Variants in THSD7B observed in about 807,000 individuals in gnomAD.
THSD7B encodes the protein thrombospondin type 1 domain containing 7B.
In THSD7B, 138 loss-of-function variants were observed where a neutral mutation model predicts 213.6. The observed-to-expected ratio is 0.65, with a 90% CI of 0.56 to 0.74. The LOEUF is 0.74. Ranked by LOEUF, THSD7B falls within the 30% of genes least tolerant of loss-of-function variation. The probability of loss-of-function intolerance (pLI) is 0.00; values close to 1 mark genes in which losing one functional copy is unlikely to be tolerated. For synonymous variants in THSD7B, 742 were observed against 687.0 expected, an observed-to-expected ratio of 1.08 and a Z score of -1.25; for missense variants, 1,931 against 1,991.5, an observed-to-expected ratio of 0.97 and a Z score of 0.58.
intron 2 of THSD7B, among the ~76,000 whole-genome samples, chr2:136,937,765 G>A (rs1188837995): frequency 1.3e-5 from 2 of 152,168 alleles, no homozygotes; most frequent in East Asian, 3.8e-4. Flanking sequence ...CTGCTTCTTA[G>A]ATGTAGCGTG....
At chr2:137,333,154 A>G (rs953952502) in intron 12 of THSD7B, among the ~76,000 whole-genome samples, 4 of 152,136 alleles carry the variant, frequency 2.6e-5, no homozygotes, top group African/African-American at 9.7e-5. Context: ...GATGGATGCT[A>G]AGAGTTTAGA....
chr2:137,211,500 A>AT (rs1263637472), intron 7 of THSD7B, among the ~76,000 whole-genome samples: 7 of 152,202 alleles, frequency 4.6e-5, no homozygotes, highest in Non-Finnish European at 8.8e-5. Flanking sequence ...TGTAATTTTC[A>AT]TTTTCAATCA....
intron 15 of THSD7B, among the ~76,000 whole-genome samples, chr2:137,532,024 AG>A (rs1384146081): frequency 1.4e-4 from 21 of 151,958 alleles, no homozygotes; most frequent in African/African-American, 4.6e-4. Context: ...TGTATTTGAA[AG>A]GGAGAGTTAC....
Position 137,175,592 on chromosome 2 carries a change from A to G in THSD7B, c.1723+4654A>G, listed in dbSNP as rs1314342529. Among the ~76,000 whole-genome samples the G allele has an allele frequency of 2.6e-5, 4 of 152,278 alleles. No individual in the cohort carries two copies. In the East Asian group the frequency reaches 5.8e-4, roughly 22 times the overall value. On this transcript the variant is annotated intron_variant, in intron 7 of 27. Transcript: ENST00000409968. ...AGTAGCTTTGCTTTTTATTTCAAGG[A>G]TATTTTTCTAGGGGTCTTTGCCTTA...
At chr2:136,859,692 C>T (rs1683230054) in intron 1 of THSD7B, among the ~76,000 whole-genome samples, 1 of 152,144 alleles carries the variant, frequency 6.6e-6, no homozygotes, top group Non-Finnish European at 1.5e-5. Flanking sequence ...AATGGTCAAG[C>T]ATACTTGGCC....
intron 12 of THSD7B, among the ~76,000 whole-genome samples, chr2:137,332,065 A>T (rs947980664): frequency 6.6e-6 from 1 of 152,188 alleles, no homozygotes. Flanking sequence ...ACAGTGCAGC[A>T]GTGGGCTGAA....
At chr2:136,905,025 TCA>T (rs1684135122) in intron 2 of THSD7B, among the ~76,000 whole-genome samples, 1 of 152,212 alleles carries the variant, frequency 6.6e-6, no homozygotes, top group South Asian at 2.1e-4. Flanking sequence ...GCTTTCACCT[TCA>T]CACTTACTGT....
At chr2:137,182,381 T>C (rs2105006644) in intron 7 of THSD7B, among the ~76,000 whole-genome samples, 1 of 152,304 alleles carries the variant, frequency 6.6e-6, no homozygotes, top group Non-Finnish European at 1.5e-5. Context: ...GAACATAATA[T>C]TGACAACTTA....
intron 5 of THSD7B, among the ~76,000 whole-genome samples, chr2:137,136,554 T>A (rs1163649119): frequency 6.6e-6 from 1 of 152,166 alleles, no homozygotes; most frequent in African/African-American, 2.4e-5. Flanking sequence ...TCAAGAGACA[T>A]GAATGGGCAC....
chr2:136,888,968 T>C (rs931819029), intron 2 of THSD7B, among the ~76,000 whole-genome samples: 5 of 147,218 alleles, frequency 3.4e-5, no homozygotes, highest in South Asian at 2.2e-4. Flanking sequence ...TGTGTGTGTG[T>C]GCTTGTGTGT....
At chr2:136,850,457 A>G (rs1423205835) in intron 1 of THSD7B, among the ~76,000 whole-genome samples, 2 of 152,108 alleles carry the variant, frequency 1.3e-5, no homozygotes, top group African/African-American at 4.8e-5. Context: ...GAAAATATAC[A>G]TCTTCAAACT....
chr2:137,167,506 G>C (rs1174171165), intron 6 of THSD7B, among the ~76,000 whole-genome samples: 1 of 152,062 alleles, frequency 6.6e-6, no homozygotes, highest in Non-Finnish European at 1.5e-5. Flanking sequence ...GTACACTTCT[G>C]ATCCACTAAC....
At chr2:136,789,322 T>C (rs1681921743) in intron 1 of THSD7B, among the ~76,000 whole-genome samples, 1 of 151,966 alleles carries the variant, frequency 6.6e-6, no homozygotes, top group African/African-American at 2.4e-5. Context: ...CTTAGTTTTA[T>C]TTTTTTATTT....
chr2:137,447,894 A>G (rs1050544144), intron 14 of THSD7B, among the ~76,000 whole-genome samples: 8 of 152,214 alleles, frequency 5.3e-5, no homozygotes, highest in Non-Finnish European at 1.2e-4. Context: ...CTTATATAGG[A>G]AAATGCAGAA....
intron 9 of THSD7B, among the ~76,000 whole-genome samples, chr2:137,234,124 A>C (rs1416073765): frequency 1.3e-5 from 2 of 152,224 alleles, no homozygotes; most frequent in African/African-American, 4.8e-5. Context: ...TGGTGGAAAA[A>C]GTAAAAGGAG....
intron 1 of THSD7B, among the ~76,000 whole-genome samples, chr2:136,861,647 T>C (rs1683261013): frequency 6.6e-6 from 1 of 152,256 alleles, no homozygotes; most frequent in Non-Finnish European, 1.5e-5. Flanking sequence ...GAGTTGCTGT[T>C]ACTGACTCTC....
rs116715555 is a variant in THSD7B at position 137,155,672 on chromosome 2, G to T, written c.1370-4541G>T. Among the ~76,000 whole-genome samples, 336 of 152,316 alleles carry T rather than the reference G, an allele frequency of 2.2e-3. 4 individuals are homozygous for T. Among genetic ancestry groups the T allele is most frequent in the African/African-American group, 7.6e-3 (316 of 41,566 alleles). On this transcript the variant is annotated intron_variant, in intron 5 of 27. Coordinates refer to ENST00000409968, the MANE Select transcript of THSD7B (RefSeq NM_001316349.2). ...AAGTATGATAGTCATTTGAACTGGA[G>T]CAAATTTTGGTCTCACTGCCTCCTT...
chr2:136,795,834 T>C (rs140442129), intron 1 of THSD7B, among the ~76,000 whole-genome samples: 2 of 152,130 alleles, frequency 1.3e-5, no homozygotes, highest in African/African-American at 4.8e-5. Flanking sequence ...ATTTTAGTGG[T>C]TACTGGAGAG....
intron 15 of THSD7B, among the ~76,000 whole-genome samples, chr2:137,546,388 ATATATATTATATATATTAT>A (rs1680716408): frequency 2.7e-5 from 1 of 36,752 alleles, no homozygotes; most frequent in African/African-American, 1.6e-4. Context: ...TATATATATT[ATATATATTATATATATTAT>A]ATATATATTA....
Sources: gnomAD v4.1 joint callset for allele counts (sites outside exome capture counted in the v4.1 genomes callset) on GRCh38, gnomAD v4.1.1 for gene constraint, MANE v1.5 for transcripts, NCBI Gene and HGNC (gene_info 2026-07-23, HGNC 2026-07-21) for gene names.